SPRY3: variants seen among roughly 807,000 people sequenced by gnomAD.
SPRY3 encodes the protein sprouty RTK signaling antagonist 3.
A neutral mutation model predicts 20.2 loss-of-function variants in SPRY3; 15 were observed. The observed-to-expected ratio is 0.74, with a 90% CI of 0.50 to 1.14. The LOEUF is 1.14. Ranked by LOEUF, SPRY3 falls within the 50% of genes most tolerant of loss-of-function variation. The pLI, the probability that SPRY3 is intolerant of heterozygous loss-of-function variation, is 0.00. For synonymous variants in SPRY3, 143 were observed against 136.5 expected (o/e 1.05, Z -0.33); for missense variants, 364 against 363.9 (o/e 1.00, Z 0.00).
intron 2 of SPRY3, among the ~76,000 whole-genome samples, chrX:155,658,271 A>T (rs1557353184): frequency 9.0e-6 from 1 of 111,376 alleles, no homozygotes; most frequent in Non-Finnish European, 1.9e-5. Context: ...GATTCTGTAG[A>T]TTGGGCAGTA....
intron 2 of SPRY3, among the ~76,000 whole-genome samples, chrX:155,680,516 G>A (rs1257823457): frequency 9.0e-6 from 1 of 110,866 alleles, no homozygotes; most frequent in Non-Finnish European, 1.9e-5. Context: ...GGGATGGATG[G>A]CAGGATTGTT....
chrX:155,763,734 C>T (rs1188597228), intron 2 of SPRY3, among the ~76,000 whole-genome samples: 1 of 152,152 alleles, frequency 6.6e-6, no homozygotes, highest in Admixed American at 6.5e-5. Context: ...TATTCATTTT[C>T]TGCCCAGATC....
chrX:155,750,783 T>G (rs1203118762), intron 2 of SPRY3, among the ~76,000 whole-genome samples: 2 of 151,772 alleles, frequency 1.3e-5, no homozygotes, highest in Non-Finnish European at 2.9e-5. Context: ...GTCACAGCAT[T>G]GCCAAGCAGC....
At chrX:155,769,319 C>A (rs1317130778) in intron 3 of SPRY3, among the ~76,000 whole-genome samples, 2 of 152,134 alleles carry the variant, frequency 1.3e-5, no homozygotes, top group Non-Finnish European at 2.9e-5. Context: ...GACACTAATT[C>A]TTCCTTAAAG....
intron 2 of SPRY3, among the ~76,000 whole-genome samples, chrX:155,671,195 G>C (rs968098130): frequency 9.0e-6 from 1 of 111,562 alleles, no homozygotes; most frequent in East Asian, 2.8e-4. Context: ...GAGAATGACT[G>C]GTTGTGAAAA....
intron 2 of SPRY3, among the ~76,000 whole-genome samples, chrX:155,740,812 C>G (rs188793192): frequency 2.0e-5 from 3 of 151,924 alleles, no homozygotes; most frequent in Admixed American, 2.0e-4. Flanking sequence ...TCTTTGTGAC[C>G]TACTCCCTGT....
chrX:155,782,174 TA>T (rs2091466919), exon 2 of SPRY3: 1 of 166,996 alleles, frequency 6.0e-6, no homozygotes, highest in Non-Finnish European at 1.5e-5. Context: ...GGTTGCCCAC[TA>T]GGAGGAGCTT....
chrX:155,647,154 A>C (rs1569562464), intron 1 of SPRY3, among the ~76,000 whole-genome samples: 1 of 111,484 alleles, frequency 9.0e-6, no homozygotes, highest in East Asian at 2.8e-4. Context: ...GAATATGGGA[A>C]TTGAAGTCTC....
chrX:155,660,938 T>C (rs955420625), intron 2 of SPRY3, among the ~76,000 whole-genome samples: 10 of 111,773 alleles, frequency 8.9e-5, no homozygotes, highest in Non-Finnish European at 7.5e-5. Flanking sequence ...TGGATTCTTT[T>C]GTAAGCAGCA....
chrX:155,675,189 A>G lies in SPRY3; in HGVS notation c.-282+18164A>G, dbSNP rs1416668556. 6.2e-5 allele frequency among the ~76,000 whole-genome samples: 7 copies of G among 112,065 alleles called. No individual in the cohort carries two copies. In the Admixed American group the frequency reaches 6.7e-4, roughly 11 times the overall value. On this transcript the variant is annotated intron_variant, in intron 2 of 3. Coordinates refer to ENST00000675360, the Ensembl canonical transcript of SPRY3. ...TATGTATACAGCATTCATCTTATCT[A>G]CTAACCTACTAACCCTGTGAAGGAA...
chrX:155,626,093 A>T (rs782498764), intron 1 of SPRY3, among the ~76,000 whole-genome samples: 1 of 111,383 alleles, frequency 9.0e-6, no homozygotes, highest in East Asian at 2.8e-4. Context: ...TGGTAATTCT[A>T]TGTTTAACCA....
In SPRY3 at chrX:155,700,385, T is replaced by A. The variant is rs757303759; in HGVS notation, c.-282+43360T>A. 3.4e-4 allele frequency among the ~76,000 whole-genome samples: 37 copies of A among 109,239 alleles called. 1 individual carries two copies. In the South Asian group the frequency reaches 0.013, roughly 38 times the overall value. The allele number at this position is 109,239 out of a possible 115,157, so 94.9% of individuals were successfully genotyped here. ...GCTGATGTGGAAAACAGTTTGGCAG[T>A]TCCTCAACAAGTTAGACACAATTAC... is the stretch of plus-strand genomic sequence containing the variant. On this transcript the variant is annotated intron_variant, in intron 2 of 3. Transcript: ENST00000675360.
chrX:155,708,470 C>T (rs953131193), intron 2 of SPRY3, among the ~76,000 whole-genome samples: 1 of 151,274 alleles, frequency 6.6e-6, no homozygotes, highest in African/African-American at 2.4e-5. Flanking sequence ...AGCATCTTGA[C>T]TAGGATGTGT....
intron 2 of SPRY3, among the ~76,000 whole-genome samples, chrX:155,672,981 C>T (rs1192259392): frequency 3.1e-5 from 3 of 97,277 alleles, no homozygotes; most frequent in Non-Finnish European, 4.1e-5. Flanking sequence ...AACCAAACAC[C>T]GCATGTTCTC....
rs145221729 is a variant in SPRY3, at chrX:155,644,956, A to C, written c.-440-11911A>C. Among the ~76,000 whole-genome samples the C allele has an allele frequency of 1.4e-4, 15 of 110,771 alleles. 1 individual carries two copies. In the East Asian group the frequency reaches 4.3e-3, roughly 32 times the overall value. On this transcript the variant is annotated intron_variant, in intron 1 of 3. Coordinates refer to ENST00000675360, the Ensembl canonical transcript of SPRY3. The stretch of plus-strand genomic sequence containing the variant: ...CTGAAAATGTGCTGAGTCTTACTTG[A>C]AGCCCACAAGTCTCAGAGTCTCACC...
At chrX:155,725,482 T>G (rs1602966940) in intron 2 of SPRY3, among the ~76,000 whole-genome samples, 1 of 152,276 alleles carries the variant, frequency 6.6e-6, no homozygotes, top group Non-Finnish European at 1.5e-5. Context: ...TATTAATTAT[T>G]GCTTCAATTT....
rs548196098 is a variant in SPRY3, at chrX:155,735,610, C to T, written c.-281-32352C>T. Among the ~76,000 whole-genome samples the T allele has an allele frequency of 9.2e-5, 14 of 152,056 alleles. No individual in the cohort carries two copies. In the East Asian group the frequency reaches 1.2e-3, roughly 13 times the overall value. ...TTCTTGCTCTGAAATCTGCTTCATG[C>T]GATATTGATACAGCTATTCAAGCTT... On this transcript the variant is annotated intron_variant, in intron 2 of 3. Transcript: ENST00000675360.
chrX:155,634,841 T>TTA (rs1288908245), intron 1 of SPRY3, among the ~76,000 whole-genome samples: 1 of 106,528 alleles, frequency 9.4e-6, no homozygotes, highest in Non-Finnish European at 1.9e-5. Flanking sequence ...TGGGCCTAAG[T>TTA]TATATATATA....
At chrX:155,717,494 C>T (rs1044556340) in intron 2 of SPRY3, among the ~76,000 whole-genome samples, 1 of 152,036 alleles carries the variant, frequency 6.6e-6, no homozygotes, top group African/African-American at 2.4e-5. Flanking sequence ...ACCCATCAAC[C>T]TGTCATCTAG....
Sources: gnomAD v4.1 joint callset for allele counts (sites outside exome capture counted in the v4.1 genomes callset) on GRCh38, gnomAD v4.1.1 for gene constraint, MANE v1.5 for transcripts, NCBI Gene and HGNC (gene_info 2026-07-23, HGNC 2026-07-21) for gene names.